The following B3GALNT2 variants were observed in gnomAD, a reference collection of about 807,000 sequenced individuals.
B3GALNT2 encodes beta-1,3-N-acetylgalactosaminyltransferase 2, also known as UDP-GalNAc:beta-1,3-N-acetylgalactosaminyltransferase 2.
B3GALNT2 carries 53 observed loss-of-function variants against 61.1 expected under a neutral mutation model. The ratio of observed to expected loss-of-function variants is 0.87; its 90% CI spans 0.70 to 1.09. B3GALNT2 has a LOEUF of 1.09. Among genes scored for constraint, B3GALNT2 ranks in the 50% least tolerant of loss-of-function variants. The pLI is 0.00. For synonymous variants in B3GALNT2, 223 were observed against 237.4 expected, an observed-to-expected ratio of 0.94 and a Z score of 0.56; for missense variants, 544 against 623.0, an observed-to-expected ratio of 0.87 and a Z score of 1.35.
intron 3 of B3GALNT2, among the ~76,000 whole-genome samples, chr1:235,486,915 T>G (rs1207135638): frequency 2.0e-5 from 3 of 152,128 alleles, no homozygotes; most frequent in Non-Finnish European, 4.4e-5. Flanking sequence ...ACGCCTATAA[T>G]CCCAGCACTT....
chr1:235,455,477 A>C, intron 9 of B3GALNT2, 82 bp downstream of exon 9: 1 of 1,113,950 alleles, frequency 9.0e-7, no homozygotes, highest in South Asian at 1.7e-5. Context: ...CCACATTTTC[A>C]AAAAAAAAAG....
chr1:235,487,786 C>T lies in B3GALNT2; in HGVS notation c.361+1382G>A, dbSNP rs547010523. ...AACCTAGTTAGGATCAGCTTTCTTTCGTTGTCTTTGTTTTTGAGACAGGGT... is the reference window on the plus strand; with the variant it reads ...AACCTAGTTAGGATCAGCTTTCTTTTGTTGTCTTTGTTTTTGAGACAGGGT... On this transcript the variant is annotated intron_variant, in intron 3 of 11. Coordinates refer to ENST00000366600, the MANE Select transcript of B3GALNT2 (RefSeq NM_152490.5). Among the ~76,000 whole-genome samples, 59 of 152,082 alleles carry T rather than the reference C, an allele frequency of 3.9e-4. 1 individual carries two copies. The highest frequency in any genetic ancestry group is 7.1e-4 in the Non-Finnish European group (48 of 68,000).
In B3GALNT2 at chr1:235,488,774, C is replaced by T. The variant is rs551228531; in HGVS notation, c.361+394G>A. On this transcript the variant is annotated intron_variant, in intron 3 of 11. Coordinates refer to ENST00000366600, the MANE Select transcript of B3GALNT2 (RefSeq NM_152490.5). ...ATTTTAGTCTATTAAAAACAGACTCCAGGGCATGGTGGCTCATGCCTGCAA... is the reference window on the plus strand; with the variant it reads ...ATTTTAGTCTATTAAAAACAGACTCTAGGGCATGGTGGCTCATGCCTGCAA... 1.0e-4 allele frequency among the ~76,000 whole-genome samples: 15 copies of T among 148,368 alleles called. 1 individual carries two copies. Among genetic ancestry groups the T allele is most frequent in the Admixed American group, 9.4e-4 (14 of 14,828 alleles).
At chr1:235,455,725 C>G (rs370892767) in intron 8 of B3GALNT2, 41 bp from the exon 9 acceptor site, 2 of 1,565,312 alleles carry the variant, frequency 1.3e-6, no homozygotes, top group Admixed American at 1.7e-5. Context: ...TGCGACCAAA[C>G]AAACAAACAC....
rs138864710 is a variant in B3GALNT2, at chr1:235,483,176, T to C, written c.555+1146A>G. 4.6e-5 allele frequency among the ~76,000 whole-genome samples: 7 copies of C among 151,640 alleles called. No individual in the cohort carries two copies. In the East Asian group the frequency reaches 1.4e-3, roughly 29 times the overall value. On this transcript the variant is annotated intron_variant, in intron 4 of 11. Coordinates refer to ENST00000366600, the MANE Select transcript of B3GALNT2 (RefSeq NM_152490.5). ...CTTCAGATTTGAGATGACAGAAGAG[T>C]CACTAAACTTGAATACAGATGAACA...
chr1:235,480,119 G>C lies in B3GALNT2; in HGVS notation c.586C>G (p.Pro196Ala). ...TTGTTCACCTGCACACCACAGCTTG[G>C]AGGACTGAAGCGAGCAATGAAGAGG... Reference protein sequence around the residue: ...EALFIARFSPPSCGVQVNKLW... With the variant: ...EALFIARFSPASCGVQVNKLW... Residue 196 changes from proline to alanine, a missense_variant, in exon 5 of 12, where the codon CCA (proline) becomes GCA (alanine). Physicochemically the swap from Pro to Ala is conservative, Grantham distance 27. Transcript: ENST00000366600. 1 of 1,613,888 alleles carries C rather than the reference G, an allele frequency of 6.2e-7. No homozygotes were observed. The highest frequency in any genetic ancestry group is 1.1e-5 in the South Asian group (1 of 91,070).
At chr1:235,460,392 C>T (rs1683365852) in intron 7 of B3GALNT2, among the ~76,000 whole-genome samples, 1 of 151,268 alleles carries the variant, frequency 6.6e-6, no homozygotes, top group African/African-American at 2.4e-5. Flanking sequence ...GATCCACCTG[C>T]CTCAGCCTCC....
chr1:235,474,969 ATATATATATATATATATATTTTTTTTT>A (rs1416125871), intron 5 of B3GALNT2, among the ~76,000 whole-genome samples: 5 of 28,814 alleles, frequency 1.7e-4, no homozygotes, highest in Non-Finnish European at 2.4e-4. Context: ...ATATATATAT[ATATATATATATATATATATTTTTTTTT>A]TTTTTTTTTT....
intron 5 of B3GALNT2, among the ~76,000 whole-genome samples, chr1:235,474,663 T>A (rs867651773): frequency 7.3e-5 from 11 of 151,208 alleles, no homozygotes; most frequent in African/African-American, 2.7e-4. Flanking sequence ...GTATTAAAAA[T>A]AAAAAAAATT....
intron 9 of B3GALNT2, 87 bp from the exon 10 acceptor site, chr1:235,454,402 A>G: frequency 1.0e-5 from 13 of 1,285,040 alleles, no homozygotes; most frequent in Non-Finnish European, 1.4e-5. Context: ...CATCACTACA[A>G]AGGAATAAGC....
chr1:235,495,786 CCAAAAA>C (rs2102865032), intron 1 of B3GALNT2, among the ~76,000 whole-genome samples: 1 of 152,132 alleles, frequency 6.6e-6, no homozygotes, highest in East Asian at 1.9e-4. Context: ...CAAAACGTTT[CCAAAAA>C]TAAATTATTG....
intron 5 of B3GALNT2, among the ~76,000 whole-genome samples, chr1:235,474,242 T>C (rs1037697645): frequency 6.6e-6 from 1 of 152,214 alleles, no homozygotes; most frequent in African/African-American, 2.4e-5. Flanking sequence ...ACAACTTGTT[T>C]ATGGCAATTC....
At chr1:235,484,264 A>G in intron 4 of B3GALNT2, 58 bp downstream of exon 4, 1 of 1,518,548 alleles carries the variant, frequency 6.6e-7, no homozygotes, top group Non-Finnish European at 8.8e-7. Flanking sequence ...GTCACAAGGA[A>G]AAGTTGATGT....
At chr1:235,499,137 T>G (rs1293850701) in intron 1 of B3GALNT2, among the ~76,000 whole-genome samples, 1 of 152,202 alleles carries the variant, frequency 6.6e-6, no homozygotes, top group African/African-American at 2.4e-5. Context: ...CAGAATACTA[T>G]GCAGCCATTA....
At chr1:235,467,625 G>A (rs1200040153) in intron 6 of B3GALNT2, among the ~76,000 whole-genome samples, 4 of 149,560 alleles carry the variant, frequency 2.7e-5, no homozygotes, top group African/African-American at 7.4e-5. Context: ...GCTGACAGTC[G>A]CCTGCCAGCA....
intron 7 of B3GALNT2, chr1:235,465,387 AG>A (rs1312096714): frequency 3.3e-5 from 9 of 275,256 alleles, no homozygotes; most frequent in African/African-American, 1.7e-4. Flanking sequence ...AGTAGTTGTT[AG>A]GGGGTGGGGG....
chr1:235,445,981 CTATT>C (rs1168678178), downstream of B3GALNT2, among the ~76,000 whole-genome samples: 7 of 152,074 alleles, frequency 4.6e-5, no homozygotes, highest in Non-Finnish European at 1.0e-4. Flanking sequence ...CCACATGTGG[CTATT>C]TAAATTCATT....
At chr1:235,460,154 C>G (rs1170235018) in intron 7 of B3GALNT2, among the ~76,000 whole-genome samples, 1 of 151,748 alleles carries the variant, frequency 6.6e-6, no homozygotes, top group Non-Finnish European at 1.5e-5. Context: ...CACTCTGTTG[C>G]ACAGACTGGA....
Position 235,450,220 on chromosome 1 carries a change from A to G in B3GALNT2, c.1489T>C (p.Cys497Arg). The change falls in exon 12 of 12, where the codon TGT (cysteine) becomes CGT (arginine). Residue 497 changes from cysteine (C) to arginine (R), a missense_variant. Physicochemically the swap from Cys to Arg is radical, Grantham distance 180. Transcript: ENST00000366600. The part of the protein sequence containing the change: ...LKERCGDPCR[C>R]QAR ...TCAAGTCCCTGTTATCTTGCTTGACATCGACAAGGATCACCGCACCGTTCC... is the reference window on the plus strand; with the variant it reads ...TCAAGTCCCTGTTATCTTGCTTGACGTCGACAAGGATCACCGCACCGTTCC... The G allele has an allele frequency of 6.2e-7, 1 of 1,614,120 alleles. No individual in the cohort carries two copies. The highest frequency in any genetic ancestry group is 8.5e-7 in the Non-Finnish European group (1 of 1,180,018).
Sources: allele counts gnomAD v4.1 joint callset (sites outside exome capture counted in the v4.1 genomes callset), GRCh38; gene constraint gnomAD v4.1.1; transcripts MANE v1.5; gene names NCBI Gene and HGNC (gene_info 2026-07-23, HGNC 2026-07-21).